The following CLEC17A variants were observed in gnomAD, a reference collection of about 807,000 sequenced individuals.
The protein encoded by CLEC17A is C-type lectin domain family 17, member A.
In CLEC17A, 37 loss-of-function variants were observed where a neutral mutation model predicts 61.3. The observed-to-expected ratio is 0.60, with a 90% CI of 0.46 to 0.79. The LOEUF is 0.79. Ranked by LOEUF, CLEC17A falls within the 30% of genes least tolerant of loss-of-function variation. The pLI, the probability that CLEC17A is intolerant of heterozygous loss-of-function variation, is 0.00. For synonymous variants in CLEC17A, 168 were observed against 164.9 expected, an observed-to-expected ratio of 1.02 and a Z score of -0.14; for missense variants, 418 against 464.7, an observed-to-expected ratio of 0.90 and a Z score of 0.92.
upstream of CLEC17A, among the ~76,000 whole-genome samples, chr19:14,582,601 TA>T (rs568732848): frequency 6.6e-6 from 1 of 151,918 alleles, no homozygotes; most frequent in South Asian, 2.1e-4. Flanking sequence ...TAATGTTTTT[TA>T]AAAAATTAAT....
chr19:14,585,449 C>A (rs1053008329), intron 2 of CLEC17A, among the ~76,000 whole-genome samples: 1 of 152,184 alleles, frequency 6.6e-6, no homozygotes, highest in Non-Finnish European at 1.5e-5. Flanking sequence ...GTGACCCTTA[C>A]GTTCTCATAT....
At chr19:14,600,776 A>G (rs1314911020) in intron 12 of CLEC17A, among the ~76,000 whole-genome samples, 1 of 150,500 alleles carries the variant, frequency 6.6e-6, no homozygotes, top group Non-Finnish European at 1.5e-5. Context: ...TAGTAGAGAC[A>G]GGGTTTCACT....
intron 7 of CLEC17A, 104 bp downstream of exon 7, chr19:14,594,904 C>CAAA: frequency 1.7e-6 from 2 of 1,158,870 alleles, no homozygotes; most frequent in Non-Finnish European, 2.5e-6. Context: ...GACAGAGTCT[C>CAAA]ACTGTCATCC....
At chr19:14,606,732 T>G (rs1158381018) in intron 12 of CLEC17A, among the ~76,000 whole-genome samples, 1 of 151,270 alleles carries the variant, frequency 6.6e-6, no homozygotes, top group Non-Finnish European at 1.5e-5. Context: ...AGGTAGCTAC[T>G]GTGAACCCAT....
intron 13 of CLEC17A, among the ~76,000 whole-genome samples, chr19:14,609,771 G>A (rs922083434): frequency 1.3e-5 from 2 of 152,002 alleles, no homozygotes; most frequent in African/African-American, 4.8e-5. Flanking sequence ...CCAGGAGACA[G>A]AGGTTGCAGT....
At chr19:14,594,896 C>A in intron 7 of CLEC17A, 96 bp downstream of exon 7, 2 of 1,218,360 alleles carry the variant, frequency 1.6e-6, no homozygotes, top group Non-Finnish European at 2.3e-6. Context: ...TTTTTTGAGA[C>A]AGAGTCTCAC....
chr19:14,585,339 A>G (rs576295785), intron 2 of CLEC17A, among the ~76,000 whole-genome samples: 1 of 152,380 alleles, frequency 6.6e-6, no homozygotes, highest in Admixed American at 6.5e-5. Context: ...GTAAAGCCTC[A>G]TGTGAAGCTC....
rs1251155202 is a variant in CLEC17A at position 14,596,773 on chromosome 19, C to T, written c.446-103C>T. On this transcript the variant is annotated intron_variant, in intron 8 of 13. Coordinates refer to ENST00000417570, the MANE Select transcript of CLEC17A (RefSeq NM_001204118.2). ...ACTTCATCTGCTGAAACAGTCATGA[C>T]TACAGACTTCTGCCCCCTGCTCTTG... The T allele has an allele frequency of 3.7e-6, 5 of 1,354,822 alleles. No homozygotes were observed. The East Asian group carries it at 1.0e-4, about 27-fold the overall frequency. 83.9% of individuals were successfully genotyped at this position (1,354,822 alleles called of 1,614,324 possible). A position where few individuals can be genotyped will look rare whatever the true frequency, so the allele number is the denominator to read the frequency against.
In CLEC17A at chr19:14,592,376, A is replaced by T. The variant is rs746944163; in HGVS notation, c.277+18A>T. The T allele has an allele frequency of 6.2e-7, 1 of 1,610,428 alleles. No homozygotes were observed. The highest frequency in any genetic ancestry group is 1.3e-5 in the African/African-American group (1 of 74,828). ...CAAGCCAGGTAAGAGGACTTTTTGG[A>T]GTGTGACCTGGGGGAATACAGGGAA... On this transcript the variant is annotated intron_variant, in intron 4 of 13. Coordinates refer to ENST00000417570, the MANE Select transcript of CLEC17A (RefSeq NM_001204118.2).
At chr19:14,590,862 A>AT (rs74183400) in intron 3 of CLEC17A, among the ~76,000 whole-genome samples, 27,804 of 135,240 alleles carry the variant, frequency 0.21, 3,835 homozygotes, top group African/African-American at 0.41. Flanking sequence ...GTTTTTTCTA[A>AT]TTTTTTTTTT....
chr19:14,593,767 T>C (rs568935885), intron 4 of CLEC17A, among the ~76,000 whole-genome samples: 91 of 151,200 alleles, frequency 6.0e-4, no homozygotes, highest in African/African-American at 2.0e-3. Flanking sequence ...GAGACCATCC[T>C]AGCTAACACG....
intron 8 of CLEC17A, among the ~76,000 whole-genome samples, chr19:14,595,983 T>TGATGATGATGGTGGTGGTGA (rs1568454120): frequency 0.015 from 41 of 2,816 alleles, 1 homozygote; most frequent in Non-Finnish European, 0.018. Context: ...ATGTTGTTGG[T>TGATGATGATGGTGGTGGTGA]AGAGATGATG....
intron 3 of CLEC17A, among the ~76,000 whole-genome samples, chr19:14,589,231 C>A (rs993213946): frequency 9.5e-5 from 13 of 137,048 alleles, no homozygotes; most frequent in Non-Finnish European, 1.6e-4. Context: ...TCCATCCCAT[C>A]CCACCCCATC....
chr19:14,587,809 C>T (rs2074321360), intron 3 of CLEC17A, 118 bp downstream of exon 3: 2 of 1,532,594 alleles, frequency 1.3e-6, no homozygotes, highest in East Asian at 2.4e-5. Context: ...CCATGCCGGG[C>T]ACTGTGGAAC....
Position 14,596,928 on chromosome 19 carries a change from G to T in CLEC17A, c.498G>T (p.Gln166His), listed in dbSNP as rs763010053. The T allele has an allele frequency of 6.2e-7, 1 of 1,608,630 alleles. No homozygotes were observed. The change falls in exon 9 of 14, where the codon CAG becomes CAT. Residue 166 changes from glutamine to histidine, a missense_variant. Coordinates refer to ENST00000417570, the MANE Select transcript of CLEC17A (RefSeq NM_001204118.2). Reference sequence around the variant, plus strand: ...GGTCTGGAGGTCCTGGCTGCTGCCAGAAGAGGTGGATGGTGTACCTGTGTC... The same window carrying T: ...GGTCTGGAGGTCCTGGCTGCTGCCATAAGAGGTGGATGGTGTACCTGTGTC... ...NQRSGGPGCC[Q>H]KRWMVYLCLL...
At chr19:14,588,100 C>G (rs1310538439) in intron 3 of CLEC17A, among the ~76,000 whole-genome samples, 1 of 152,084 alleles carries the variant, frequency 6.6e-6, no homozygotes, top group African/African-American at 2.4e-5. Context: ...AATCTCCTCA[C>G]CTTTCTACCC....
chr19:14,600,485 T>G (rs1428782589), intron 12 of CLEC17A, among the ~76,000 whole-genome samples: 2 of 152,226 alleles, frequency 1.3e-5, no homozygotes, highest in Non-Finnish European at 2.9e-5. Context: ...TGTTTCAGGT[T>G]GCATTCCAAA....
At position 14,607,416 on chromosome 19, in the gene CLEC17A, G is replaced by C. The variant is rs374684724; in HGVS notation, c.1004+314G>C. The stretch of plus-strand genomic sequence containing the variant: ...GACGGGGTTTCACCGTGTTAGCCAG[G>C]ATGGTCTTGATCTCCTGACCTCGTG... On this transcript the variant is annotated intron_variant, in intron 13 of 13. Coordinates refer to ENST00000417570, the MANE Select transcript of CLEC17A (RefSeq NM_001204118.2). Among the ~76,000 whole-genome samples the C allele has an allele frequency of 1.4e-3, 212 of 151,498 alleles. 2 individuals carry two copies. Among genetic ancestry groups the C allele is most frequent in the African/African-American group, 4.7e-3 (193 of 41,494 alleles).
At position 14,610,063 on chromosome 19, in the gene CLEC17A, G is replaced by T; in HGVS notation, c.1005-1G>T. The T allele has an allele frequency of 6.2e-7, 1 of 1,612,806 alleles. No individual in the cohort carries two copies. The highest frequency in any genetic ancestry group is 8.5e-7 in the Non-Finnish European group (1 of 1,179,222). On this transcript the variant is annotated splice_acceptor_variant, in intron 13 of 13. Coordinates refer to ENST00000417570, the MANE Select transcript of CLEC17A (RefSeq NM_001204118.2). LOFTEE classifies it high-confidence loss of function. ...CTCTGCCCACTTTTTCCTCCATCCA[G>T]CTTCTGGGAGCCAGAGGAACCCAAT...
Sources: allele counts gnomAD v4.1 joint callset (sites outside exome capture counted in the v4.1 genomes callset), GRCh38; gene constraint gnomAD v4.1.1; transcripts MANE v1.5; gene names NCBI Gene and HGNC (gene_info 2026-07-23, HGNC 2026-07-21).